The following ZFHX3 variants were observed in gnomAD, a reference collection of about 807,000 sequenced individuals.
ZFHX3 encodes zinc finger homeobox 3.
ZFHX3 carries 42 observed loss-of-function variants against 279.1 expected under a neutral mutation model. The ratio of observed to expected loss-of-function variants is 0.15; its 90% CI spans 0.12 to 0.19. The LOEUF (loss-of-function observed/expected upper bound fraction) is 0.19, where lower values mean the gene tolerates loss of function less well. ZFHX3 is among the 10% of genes least tolerant of loss of function. ZFHX3 has a pLI of 1.00. For missense variants in ZFHX3, 4,981 were observed against 4,754.0 expected (o/e 1.05, Z -1.40); for synonymous variants, 2,293 against 1,957.8 (o/e 1.17, Z -4.52).
chr16:73,241,790 CAAA>C (rs60214410), intron 5 of ZFHX3, among the ~76,000 whole-genome samples: 1,240 of 51,164 alleles, frequency 0.024, 16 homozygotes, highest in African/African-American at 0.1. Context: ...AACTCCGTCT[CAAA>C]AAAAAAAAAA....
intron 4 of ZFHX3, among the ~76,000 whole-genome samples, chr16:73,284,732 C>T (rs7500424): frequency 0.87 from 132,290 of 152,232 alleles, 57,773 homozygotes; most frequent in East Asian, 0.96. Flanking sequence ...AAAGAGTCTC[C>T]CCTTGTTTGG....
At chr16:73,090,723 C>G (rs1458277174) in intron 8 of ZFHX3, among the ~76,000 whole-genome samples, 1 of 140,620 alleles carries the variant, frequency 7.1e-6, no homozygotes. Flanking sequence ...CTGGCCTCTA[C>G]AGAAAAAAAA....
intron 3 of ZFHX3, among the ~76,000 whole-genome samples, chr16:73,424,718 C>A (rs2017779495): frequency 8.1e-6 from 1 of 123,828 alleles, no homozygotes; most frequent in East Asian, 2.5e-4. Context: ...TGCGCCACTG[C>A]ACTTGAGTCT....
intron 3 of ZFHX3, among the ~76,000 whole-genome samples, chr16:72,896,341 G>T (rs770809542): frequency 3.9e-4 from 59 of 152,244 alleles, no homozygotes; most frequent in Middle Eastern, 3.4e-3. Flanking sequence ...CAATGCTTCT[G>T]ACACGAAAAC....
chr16:73,478,694 T>A (rs182580375), intron 2 of ZFHX3, among the ~76,000 whole-genome samples: 86 of 152,278 alleles, frequency 5.6e-4, no homozygotes, highest in African/African-American at 1.9e-3. Context: ...AAATATCTGA[T>A]AGGGTGTCGT....
At position 73,570,459 on chromosome 16, in the gene ZFHX3, C is replaced by A. The variant is rs1223732339; in HGVS notation, c.-1547+109721G>T. The stretch of plus-strand genomic sequence containing the variant: ...CCTTCCTAGTTTTTTCTAGTTTAGA[C>A]CTTTATATCACACTTGTAAAAATTC... On this transcript the variant is annotated intron_variant, in intron 2 of 17. Coordinates refer to the ZFHX3 transcript ENST00000641206. Among the ~76,000 whole-genome samples, 3 of 152,132 alleles carry A rather than the reference C, an allele frequency of 2.0e-5. No homozygotes were observed. The East Asian group carries it at 5.8e-4, about 29-fold the overall frequency.
chr16:73,058,323 G>A (rs532726232), intron 1 of ZFHX3, among the ~76,000 whole-genome samples: 1 of 148,056 alleles, frequency 6.8e-6, no homozygotes, highest in African/African-American at 2.5e-5. Context: ...AGGCGAGCGG[G>A]ACGCAGCGAG....
At chr16:73,013,136 A>ATCC (rs1963972127) in intron 1 of ZFHX3, among the ~76,000 whole-genome samples, 1 of 152,154 alleles carries the variant, frequency 6.6e-6, no homozygotes, top group Non-Finnish European at 1.5e-5. Flanking sequence ...GGCAGAGAGG[A>ATCC]GGCCACCATC....
chr16:73,804,560 C>A (rs554935145), intron 1 of ZFHX3, among the ~76,000 whole-genome samples: 10 of 152,074 alleles, frequency 6.6e-5, no homozygotes, highest in Non-Finnish European at 7.3e-5. Flanking sequence ...CTTCTCTATC[C>A]CTTAAAAAAC....
chr16:72,971,341 AG>A (rs11325674), intron 1 of ZFHX3, among the ~76,000 whole-genome samples: 49,232 of 152,076 alleles, frequency 0.32, 8,391 homozygotes, highest in Middle Eastern at 0.42. Context: ...CAAACCAAGT[AG>A]TAGCTCCATT....
At chr16:73,540,235 C>T (rs866826580) in intron 2 of ZFHX3, among the ~76,000 whole-genome samples, 5 of 152,222 alleles carry the variant, frequency 3.3e-5, no homozygotes, top group African/African-American at 4.8e-5. Context: ...TAACTGCTTC[C>T]ACAACCATAT....
In ZFHX3 at chr16:73,330,541, T is replaced by C. The variant is rs568641835; in HGVS notation, c.-1290-12205A>G. On this transcript the variant is annotated intron_variant, in intron 3 of 17. Transcript: ENST00000641206. ...AGGATTTTGTAGTCAGAAACTGCATTGGTTGTTTATTTAAGGGCCTTCTTT... is the reference window on the plus strand; with the variant it reads ...AGGATTTTGTAGTCAGAAACTGCATCGGTTGTTTATTTAAGGGCCTTCTTT... Among the ~76,000 whole-genome samples the C allele has an allele frequency of 2.6e-5, 4 of 152,262 alleles. No individual in the cohort carries two copies. The East Asian group carries it at 5.8e-4, about 22-fold the overall frequency.
At chr16:73,544,266 G>T (rs565396602) in intron 2 of ZFHX3, among the ~76,000 whole-genome samples, 1 of 152,254 alleles carries the variant, frequency 6.6e-6, no homozygotes, top group African/African-American at 2.4e-5. Context: ...TGCATGTGTC[G>T]GGGCTTCTCT....
At chr16:73,163,710 C>CT (rs1967294322) in intron 5 of ZFHX3, among the ~76,000 whole-genome samples, 1 of 151,926 alleles carries the variant, frequency 6.6e-6, no homozygotes, top group African/African-American at 2.4e-5. Context: ...GAGGGGGTAG[C>CT]TTTTTAGAGG....
At chr16:72,838,734 C>T (rs1424560985) in intron 4 of ZFHX3, among the ~76,000 whole-genome samples, 7 of 152,174 alleles carry the variant, frequency 4.6e-5, no homozygotes, top group African/African-American at 9.7e-5. Context: ...AGGGAGGAAA[C>T]GCCTAGAGCC....
At chr16:73,704,183 C>G (rs902710329) in intron 1 of ZFHX3, among the ~76,000 whole-genome samples, 3 of 152,058 alleles carry the variant, frequency 2.0e-5, no homozygotes, top group African/African-American at 7.2e-5. Flanking sequence ...AGTGAGCACT[C>G]TTTGGTCACT....
intron 1 of ZFHX3, among the ~76,000 whole-genome samples, chr16:73,685,925 G>C (rs1179013709): frequency 6.6e-6 from 1 of 152,164 alleles, no homozygotes; most frequent in Non-Finnish European, 1.5e-5. Flanking sequence ...AACATTCTCG[G>C]AAGTGTGGGA....
intron 2 of ZFHX3, among the ~76,000 whole-genome samples, chr16:73,657,866 C>T (rs2052738497): frequency 6.6e-6 from 1 of 152,192 alleles, no homozygotes; most frequent in African/African-American, 2.4e-5. Flanking sequence ...GACATTTGAG[C>T]TGTTTCCACC....
chr16:73,082,199 G>A (rs1226051438), intron 8 of ZFHX3, among the ~76,000 whole-genome samples: 1 of 151,704 alleles, frequency 6.6e-6, no homozygotes, highest in African/African-American at 2.4e-5. Context: ...TTTTATCTTA[G>A]GTGCCTCAAA....
Sources: gnomAD v4.1 joint callset for allele counts (sites outside exome capture counted in the v4.1 genomes callset) on GRCh38, gnomAD v4.1.1 for gene constraint, MANE v1.5 for transcripts, NCBI Gene and HGNC (gene_info 2026-07-23, HGNC 2026-07-21) for gene names.